NBAS: variants seen among roughly 807,000 people sequenced by gnomAD.
NBAS encodes the protein NAG/BC035112 fusion.
NBAS carries 219 observed loss-of-function variants against 302.5 expected under a neutral mutation model. The ratio of observed to expected loss-of-function variants is 0.72; its 90% CI spans 0.65 to 0.81. NBAS has a LOEUF of 0.81. NBAS is among the 30% of genes least tolerant of loss of function. The pLI, the probability that NBAS is intolerant of heterozygous loss-of-function variation, is 0.00. For synonymous variants in NBAS, 1,118 were observed against 1,021.6 expected (o/e 1.09, Z -1.80); for missense variants, 2,932 against 2,841.6 (o/e 1.03, Z -0.72).
chr2:15,293,230 T>G (rs1334635489), intron 40 of NBAS, among the ~76,000 whole-genome samples: 1 of 152,086 alleles, frequency 6.6e-6, no homozygotes, highest in African/African-American at 2.4e-5. Context: ...TCACTATAAA[T>G]GGCTAGACCC....
chr2:14,850,287 T>C, the NBAS span, among the ~76,000 whole-genome samples: 2 of 124,020 alleles, frequency 1.6e-5, no homozygotes, highest in Non-Finnish European at 3.1e-5. Context: ...TCCTAGTCTC[T>C]GATAAAACAC....
chr2:15,160,860 C>T, the NBAS span, among the ~76,000 whole-genome samples: 1 of 152,190 alleles, frequency 6.6e-6, no homozygotes, highest in Non-Finnish European at 1.5e-5. Flanking sequence ...CATCCATTCT[C>T]AGGGTGAGGA....
At chr2:15,119,503 GC>G in the NBAS span, among the ~76,000 whole-genome samples, 1 of 151,850 alleles carries the variant, frequency 6.6e-6, no homozygotes, top group Non-Finnish European at 1.5e-5. Flanking sequence ...ACCACGCCCA[GC>G]TAATTTTTGT....
At chr2:15,436,199 T>C (rs1291492280) in intron 21 of NBAS, among the ~76,000 whole-genome samples, 1 of 152,210 alleles carries the variant, frequency 6.6e-6, no homozygotes, top group African/African-American at 2.4e-5. Flanking sequence ...TGAAAACTTA[T>C]TGCACATTGA....
At chr2:15,156,851 C>T in the NBAS span, among the ~76,000 whole-genome samples, 1 of 152,166 alleles carries the variant, frequency 6.6e-6, no homozygotes, top group East Asian at 1.9e-4. Flanking sequence ...ATTTCCGCTG[C>T]CTCTATGTAT....
chr2:15,130,157 T>C, the NBAS span, among the ~76,000 whole-genome samples: 1 of 152,222 alleles, frequency 6.6e-6, no homozygotes, highest in South Asian at 2.1e-4. Flanking sequence ...GATGTGGCCT[T>C]TTGTAGCTGT....
chr2:15,242,206 G>T (rs1325095881), intron 44 of NBAS, among the ~76,000 whole-genome samples: 1 of 152,190 alleles, frequency 6.6e-6, no homozygotes, highest in Non-Finnish European at 1.5e-5. Context: ...AGAGACAGGT[G>T]TAACTTTTTC....
In NBAS at chr2:15,186,779, C is replaced by T. The variant is rs147531897; in HGVS notation, c.6674G>A (p.Arg2225His). 20 of 1,613,622 alleles carry T rather than the reference C, an allele frequency of 1.2e-5. No homozygotes were observed. Among genetic ancestry groups the T allele is most frequent in the South Asian group, 5.5e-5 (5 of 91,082 alleles). ...CATCTGCTTGGTGTTATACAAAGAG[C>T]GACACATTTTCAAAACTTCATTCCC... ...GLGNEVLKMC[R>H]SLYNTKQMLP... Residue 2225 changes from arginine to histidine, a missense_variant, in exon 50 of 52, where the codon CGC (arginine) becomes CAC (histidine). Coordinates refer to ENST00000281513, the MANE Select transcript of NBAS (RefSeq NM_015909.4).
At chr2:15,107,191 T>C in the NBAS span, among the ~76,000 whole-genome samples, 1 of 152,086 alleles carries the variant, frequency 6.6e-6, no homozygotes, top group Non-Finnish European at 1.5e-5. Flanking sequence ...CTTACTCCAA[T>C]AGGACCAGTG....
intron 40 of NBAS, among the ~76,000 whole-genome samples, chr2:15,300,270 A>G (rs1228999510): frequency 6.6e-6 from 1 of 152,244 alleles, no homozygotes; most frequent in East Asian, 1.9e-4. Context: ...AATTAGAAAC[A>G]AGTTGAACTG....
chr2:14,870,756 T>G, the NBAS span, among the ~76,000 whole-genome samples: 1 of 152,094 alleles, frequency 6.6e-6, no homozygotes, highest in South Asian at 2.1e-4. Flanking sequence ...GTGCAGTGAA[T>G]CTGGAAAATC....
the NBAS span, among the ~76,000 whole-genome samples, chr2:15,034,201 G>GAAAC: frequency 0.78 from 88,590 of 113,722 alleles, 35,357 homozygotes; most frequent in East Asian, 0.99. Context: ...GAAACAAAGA[G>GAAAC]AAGGAAAGGA....
At chr2:15,157,256 T>C in the NBAS span, among the ~76,000 whole-genome samples, 1 of 152,164 alleles carries the variant, frequency 6.6e-6, no homozygotes, top group Non-Finnish European at 1.5e-5. Context: ...GAGAGATGGA[T>C]TCCAAGCCCA....
At chr2:14,842,844 G>GACAAAAAAAAAAAAAAAAA in the NBAS span, among the ~76,000 whole-genome samples, 1 of 77,718 alleles carries the variant, frequency 1.3e-5, no homozygotes, top group Non-Finnish European at 2.9e-5. Flanking sequence ...AGCAGAAAAT[G>GACAAAAAAAAAAAAAAAAA]ACAAAAAAAA....
chr2:15,275,580 G>C lies in NBAS; in HGVS notation c.5628C>G (p.Ala1876=). 6.2e-7 allele frequency: 1 copy of C among 1,614,094 alleles called. No individual in the cohort carries two copies. Among genetic ancestry groups the C allele is most frequent in the Non-Finnish European group, 8.5e-7 (1 of 1,179,990 alleles). The part of the protein sequence containing the change: ...VPGSSPEWLH[A]YDVCMKYFDR... ...CAAAGTACTTCATGCAGACATCATAGGCATGAAGCCACTCCGGTGAAGAGC... is the reference window on the plus strand; with the variant it reads ...CAAAGTACTTCATGCAGACATCATACGCATGAAGCCACTCCGGTGAAGAGC... Residue 1876 remains alanine (A), a synonymous_variant, in exon 44 of 52, where the codon GCC becomes GCG. Transcript: ENST00000281513.
At chr2:15,158,734 G>C in the NBAS span, among the ~76,000 whole-genome samples, 1 of 152,142 alleles carries the variant, frequency 6.6e-6, no homozygotes, top group African/African-American at 2.4e-5. Context: ...TGGTGGCTGA[G>C]TCATGAGGAT....
At chr2:15,482,586 A>T (rs1680473457) in intron 12 of NBAS, among the ~76,000 whole-genome samples, 1 of 152,146 alleles carries the variant, frequency 6.6e-6, no homozygotes, top group Non-Finnish European at 1.5e-5. Context: ...CTGGCACCCA[A>T]AGTGGGGCAG....
the NBAS span, among the ~76,000 whole-genome samples, chr2:14,970,173 T>A: frequency 6.6e-6 from 1 of 152,176 alleles, no homozygotes; most frequent in East Asian, 1.9e-4. Context: ...TGGGGAAGAT[T>A]TGGTAGTCTT....
the NBAS span, among the ~76,000 whole-genome samples, chr2:15,119,163 C>T: frequency 6.6e-6 from 1 of 152,088 alleles, no homozygotes; most frequent in African/African-American, 2.4e-5. Flanking sequence ...GCCCATGGCA[C>T]TGAGCAGGGA....
Sources: gnomAD v4.1 joint callset for allele counts (sites outside exome capture counted in the v4.1 genomes callset) on GRCh38, gnomAD v4.1.1 for gene constraint, MANE v1.5 for transcripts, NCBI Gene and HGNC (gene_info 2026-07-23, HGNC 2026-07-21) for gene names.